SHANK2: variants seen among roughly 807,000 people sequenced by gnomAD.
SHANK2 encodes SH3 and multiple ankyrin repeat domains protein 2.
A neutral mutation model predicts 133.7 loss-of-function variants in SHANK2; 43 were observed. The ratio of observed to expected loss-of-function variants is 0.32; its 90% CI spans 0.25 to 0.41. The LOEUF (loss-of-function observed/expected upper bound fraction) is 0.41, where lower values mean the gene tolerates loss of function less well. SHANK2 is among the 10% of genes least tolerant of loss of function. SHANK2 has a pLI of 1.00. For synonymous variants in SHANK2, 1,017 were observed against 952.8 expected (o/e 1.07, Z -1.24); for missense variants, 1,994 against 2,235.8 (o/e 0.89, Z 2.18).
At chr11:71,102,899 T>C (rs988609019) in intron 6 of SHANK2, among the ~76,000 whole-genome samples, 1 of 152,228 alleles carries the variant, frequency 6.6e-6, no homozygotes, top group Admixed American at 6.5e-5. Flanking sequence ...CAGACATGCA[T>C]TGCTCATGGT....
intron 14 of SHANK2, among the ~76,000 whole-genome samples, chr11:70,749,395 C>T (rs1341796816): frequency 6.6e-6 from 1 of 152,204 alleles, no homozygotes; most frequent in Non-Finnish European, 1.5e-5. Context: ...ATGGAGATTC[C>T]AGTTTGAGTC....
chr11:70,596,822 G>A (rs1591628133), intron 17 of SHANK2, among the ~76,000 whole-genome samples: 1 of 152,180 alleles, frequency 6.6e-6, no homozygotes, highest in East Asian at 1.9e-4. Context: ...AGGAATCATC[G>A]AGGCTTCTCG....
At chr11:70,612,479 T>TG (rs1284568772) in intron 17 of SHANK2, among the ~76,000 whole-genome samples, 15 of 152,360 alleles carry the variant, frequency 9.8e-5, no homozygotes, top group Non-Finnish European at 1.9e-4. Context: ...TACATATTCT[T>TG]GGGGGTGTTT....
rs71049942 is a variant in SHANK2 at position 70,784,343 on chromosome 11, G to GTTTTTTTTT, written c.1777+14091_1777+14099dup. The stretch of plus-strand genomic sequence containing the variant: ...AGGGCGTGCGCCACCACACCGGCTA[G>GTTTTTTTTT]TTTTTTTTTTTTTTTTTTTTTTTTT... On this transcript the variant is annotated intron_variant, in intron 14 of 25. Coordinates refer to ENST00000601538, the MANE Select transcript of SHANK2 (RefSeq NM_012309.5). Among the ~76,000 whole-genome samples the GTTTTTTTTT allele has an allele frequency of 1.4e-3, 58 of 42,858 alleles. 9 individuals are homozygous for GTTTTTTTTT. The highest frequency in any genetic ancestry group is 2.9e-3 in the African/African-American group (36 of 12,596). 28.1% of individuals were successfully genotyped at this position (42,858 alleles called of 152,430 possible). A position where few individuals can be genotyped will look rare whatever the true frequency, so the allele number is the denominator to read the frequency against.
intron 17 of SHANK2, among the ~76,000 whole-genome samples, chr11:70,537,775 C>A (rs544489058): frequency 6.6e-6 from 1 of 152,222 alleles, no homozygotes; most frequent in Non-Finnish European, 1.5e-5. Flanking sequence ...GTCAGCTCTG[C>A]GGAGGGGACC....
intron 9 of SHANK2, among the ~76,000 whole-genome samples, chr11:71,069,503 C>T (rs935815755): frequency 6.6e-6 from 1 of 152,224 alleles, no homozygotes; most frequent in African/African-American, 2.4e-5. Flanking sequence ...TCACCACCTT[C>T]ACCATCACCA....
At chr11:70,715,526 C>T (rs1371472923) in intron 14 of SHANK2, among the ~76,000 whole-genome samples, 1 of 152,192 alleles carries the variant, frequency 6.6e-6, no homozygotes, top group Non-Finnish European at 1.5e-5. Flanking sequence ...TTACCACCCT[C>T]CCAAATTGGC....
intron 1 of SHANK2, among the ~76,000 whole-genome samples, chr11:71,241,788 GTGGGGCCT>G: frequency 6.6e-6 from 1 of 152,330 alleles, no homozygotes. Context: ...ATGAAGAAAG[GTGGGGCCT>G]CCTTCTGTGA....
intron 17 of SHANK2, among the ~76,000 whole-genome samples, chr11:70,552,427 A>C (rs2059781572): frequency 6.6e-6 from 1 of 152,226 alleles, no homozygotes; most frequent in Non-Finnish European, 1.5e-5. Flanking sequence ...GTCCCATGTC[A>C]CAGCGAGTCA....
chr11:71,178,142 C>A (rs11828049), intron 2 of SHANK2, among the ~76,000 whole-genome samples: 4,428 of 152,282 alleles, frequency 0.029, 212 homozygotes, highest in African/African-American at 0.1. Flanking sequence ...TTCACAGCAA[C>A]AGTATTCACA....
chr11:70,910,463 C>T (rs1555078759), intron 10 of SHANK2, among the ~76,000 whole-genome samples: 1 of 152,140 alleles, frequency 6.6e-6, no homozygotes, highest in Admixed American at 6.5e-5. Flanking sequence ...CAATCACTGC[C>T]TCTCCCATCC....
At chr11:70,552,899 C>A (rs1452195058) in intron 17 of SHANK2, among the ~76,000 whole-genome samples, 2 of 152,150 alleles carry the variant, frequency 1.3e-5, no homozygotes, top group Non-Finnish European at 2.9e-5. Context: ...AAACCACAGA[C>A]AGGCTGGAGG....
intron 1 of SHANK2, among the ~76,000 whole-genome samples, chr11:71,234,783 T>C (rs2135782849): frequency 6.6e-6 from 1 of 152,238 alleles, no homozygotes; most frequent in South Asian, 2.1e-4. Flanking sequence ...TCCCGGGCAC[T>C]GGAGGAGCAT....
chr11:70,755,272 A>G (rs1380203604), intron 14 of SHANK2, among the ~76,000 whole-genome samples: 1 of 152,160 alleles, frequency 6.6e-6, no homozygotes, highest in Non-Finnish European at 1.5e-5. Flanking sequence ...GGGTTTCACC[A>G]TGTTGGCCAG....
chr11:70,787,478 A>G (rs1222534802), intron 14 of SHANK2, among the ~76,000 whole-genome samples: 2 of 146,340 alleles, frequency 1.4e-5, no homozygotes, highest in African/African-American at 2.6e-5. Context: ...CACTATCATC[A>G]CCGTGACCAC....
intron 12 of SHANK2, among the ~76,000 whole-genome samples, chr11:70,808,454 G>A (rs887069100): frequency 1.3e-5 from 2 of 150,692 alleles, no homozygotes; most frequent in Non-Finnish European, 2.9e-5. Context: ...CACCTGCCTC[G>A]GCCTCCCAAA....
chr11:71,062,988 C>A (rs1951005325), intron 9 of SHANK2, among the ~76,000 whole-genome samples: 2 of 99,772 alleles, frequency 2.0e-5, no homozygotes, highest in Non-Finnish European at 3.8e-5. Flanking sequence ...CACAGCAAGA[C>A]CCTGTCTCAA....
intron 17 of SHANK2, among the ~76,000 whole-genome samples, chr11:70,655,242 G>A (rs1555011286): frequency 2.0e-5 from 3 of 152,184 alleles, no homozygotes; most frequent in Admixed American, 1.3e-4. Flanking sequence ...AAAAGTATTT[G>A]CTAATTTGAA....
Position 70,682,072 on chromosome 11 carries a change from C to T in SHANK2, c.1853+16616G>A, listed in dbSNP as rs183843030. On this transcript the variant is annotated intron_variant, in intron 15 of 25. Coordinates refer to ENST00000601538, the MANE Select transcript of SHANK2 (RefSeq NM_012309.5). ...AAGAGTATAAGGCAGCCCAAACCTG[C>T]TGGAGGGTGCTTTGTGAGAGGGCCT... Among the ~76,000 whole-genome samples, 275 of 152,234 alleles carry T rather than the reference C, an allele frequency of 1.8e-3. 1 individual carries two copies. Among genetic ancestry groups the T allele is most frequent in the Non-Finnish European group, 2.4e-3 (166 of 68,018 alleles).
Sources: allele counts gnomAD v4.1 joint callset (sites outside exome capture counted in the v4.1 genomes callset), GRCh38; gene constraint gnomAD v4.1.1; transcripts MANE v1.5; gene names NCBI Gene and HGNC (gene_info 2026-07-23, HGNC 2026-07-21).